C4BPA: variants seen among roughly 807,000 people sequenced by gnomAD.
The protein encoded by C4BPA is C4b-binding protein alpha chain.
C4BPA carries 31 observed loss-of-function variants against 63.7 expected under a neutral mutation model. The observed-to-expected ratio is 0.49, with a 90% CI of 0.37 to 0.66. The LOEUF (loss-of-function observed/expected upper bound fraction) is 0.66, where lower values mean the gene tolerates loss of function less well. Ranked by LOEUF, C4BPA falls within the 30% of genes least tolerant of loss-of-function variation. The probability of loss-of-function intolerance (pLI) is 0.00; values close to 1 mark genes in which losing one functional copy is unlikely to be tolerated. For synonymous variants in C4BPA, 259 were observed against 254.7 expected, an observed-to-expected ratio of 1.02 and a Z score of -0.16; for missense variants, 572 against 723.3, an observed-to-expected ratio of 0.79 and a Z score of 2.40.
Position 207,107,385 on chromosome 1 carries a change from CA to C in C4BPA, c.-26+2961del, listed in dbSNP as rs1425254069. On this transcript the variant is annotated intron_variant, in intron 1 of 11. Coordinates refer to ENST00000367070, the MANE Select transcript of C4BPA (RefSeq NM_000715.4). ...CAACATAGTGAGACCCCTGTCTTTA[CA>C]AAAAATTAAAAAATTAGCTGGGTGT... Among the ~76,000 whole-genome samples, 5 of 152,138 alleles carry C rather than the reference CA, an allele frequency of 3.3e-5. No individual in the cohort carries two copies. In the East Asian group the frequency reaches 7.7e-4, roughly 24 times the overall value.
rs1325241367 is a variant in C4BPA, at chr1:207,114,607, C to T, written c.328+322C>T. The T allele has an allele frequency of 8.9e-5, 21 of 235,942 alleles. 1 individual carries two copies. The highest frequency in any genetic ancestry group is 7.3e-5 in the Non-Finnish European group (9 of 123,298). 14.6% of individuals were successfully genotyped at this position (235,942 alleles called of 1,614,324 possible). Reference sequence around the variant, plus strand: ...CTCCTGGTTTCAAGTGACTCTCCTGCCTCAGCCTCCTGAGTAGCTGGAATT... The same window carrying T: ...CTCCTGGTTTCAAGTGACTCTCCTGTCTCAGCCTCCTGAGTAGCTGGAATT... On this transcript the variant is annotated intron_variant, in intron 3 of 11. Transcript: ENST00000367070.
At chr1:207,130,776 A>G (rs1216069408) in intron 7 of C4BPA, among the ~76,000 whole-genome samples, 1 of 152,180 alleles carries the variant, frequency 6.6e-6, no homozygotes, top group Non-Finnish European at 1.5e-5. Flanking sequence ...AAAATAGATT[A>G]GTGGTTGTCA....
intron 1 of C4BPA, 187 bp from the exon 2 acceptor site, chr1:207,112,814 T>C: frequency 1.9e-6 from 1 of 519,878 alleles, no homozygotes; most frequent in Non-Finnish European, 3.3e-6. Flanking sequence ...TCTTCTGAGC[T>C]CACAGCTTCT....
At chr1:207,115,064 G>A (rs1372212290) in intron 3 of C4BPA, among the ~76,000 whole-genome samples, 1 of 152,030 alleles carries the variant, frequency 6.6e-6, no homozygotes, top group Non-Finnish European at 1.5e-5. Flanking sequence ...TCTCTTTTTT[G>A]TTCCTTTTGT....
chr1:207,110,223 C>G (rs1395900930), intron 1 of C4BPA, among the ~76,000 whole-genome samples: 38 of 151,918 alleles, frequency 2.5e-4, no homozygotes, highest in Non-Finnish European at 2.9e-5. Flanking sequence ...GGAGGGAATG[C>G]TGGAGAAGGG....
In C4BPA at chr1:207,113,166, T is replaced by G; in HGVS notation, c.141T>G (p.Leu47=). 1 of 1,609,280 alleles carries G rather than the reference T, an allele frequency of 6.2e-7. No individual in the cohort carries two copies. Among genetic ancestry groups the G allele is most frequent in the Non-Finnish European group, 8.5e-7 (1 of 1,178,392 alleles). The change falls in exon 2 of 12, where the codon CTT becomes CTG. Residue 47 remains leucine (L), a splice_region_variant and synonymous_variant. Coordinates refer to ENST00000367070, the MANE Select transcript of C4BPA (RefSeq NM_000715.4). ...TCGCTGCTCTGTTGCCTGCTGTTCTTGGTGAGTAGTGGGAAACAAGCTCAA... is the reference window on the plus strand; with the variant it reads ...TCGCTGCTCTGTTGCCTGCTGTTCTGGGTGAGTAGTGGGAAACAAGCTCAA... The part of the protein sequence containing the change: ...TLIAALLPAV[L]GNCGPPPTLS...
chr1:207,135,157 C>T (rs1435282783), intron 9 of C4BPA, among the ~76,000 whole-genome samples: 1 of 151,856 alleles, frequency 6.6e-6, no homozygotes, highest in Non-Finnish European at 1.5e-5. Flanking sequence ...GCCAATATGG[C>T]GAAACCTGGT....
At chr1:207,133,825 T>C (rs1685218567) in intron 8 of C4BPA, among the ~76,000 whole-genome samples, 1 of 152,208 alleles carries the variant, frequency 6.6e-6, no homozygotes, top group African/African-American at 2.4e-5. Context: ...AAGCAGTAAT[T>C]TAAATTTTTT....
intron 10 of C4BPA, among the ~76,000 whole-genome samples, chr1:207,141,681 C>T (rs1452763956): frequency 6.6e-6 from 1 of 152,062 alleles, no homozygotes; most frequent in Admixed American, 6.6e-5. Flanking sequence ...ACCAGAGTCT[C>T]GTGCAGGGCA....
intron 9 of C4BPA, among the ~76,000 whole-genome samples, chr1:207,137,829 G>A (rs531871005): frequency 6.6e-6 from 1 of 152,304 alleles, no homozygotes; most frequent in East Asian, 1.9e-4. Context: ...TGTTGGCCAG[G>A]CTGGTCTTGA....
At chr1:207,108,060 G>C (rs763943933) in intron 1 of C4BPA, among the ~76,000 whole-genome samples, 14 of 152,142 alleles carry the variant, frequency 9.2e-5, no homozygotes, top group Non-Finnish European at 1.8e-4. Context: ...TTAAATTCAA[G>C]GTGCCTGGGA....
intron 4 of C4BPA, among the ~76,000 whole-genome samples, chr1:207,116,767 A>G: frequency 6.6e-6 from 1 of 152,046 alleles, no homozygotes; most frequent in African/African-American, 2.4e-5. Context: ...CAAAGCTTTA[A>G]TTTATTTGGA....
At chr1:207,131,778 G>A in intron 8 of C4BPA, 38 bp downstream of exon 8, 2 of 1,338,976 alleles carry the variant, frequency 1.5e-6, no homozygotes, top group Admixed American at 3.7e-5. Context: ...TATATTAAAT[G>A]TCCAGTATGT....
At chr1:207,106,215 T>G (rs961288345) in intron 1 of C4BPA, among the ~76,000 whole-genome samples, 1 of 152,148 alleles carries the variant, frequency 6.6e-6, no homozygotes, top group Non-Finnish European at 1.5e-5. Context: ...TATGGTGAAC[T>G]GCAAATGCCG....
chr1:207,110,795 T>C (rs747659286), intron 1 of C4BPA, among the ~76,000 whole-genome samples: 4 of 152,236 alleles, frequency 2.6e-5, no homozygotes, highest in Non-Finnish European at 4.4e-5. Context: ...TTTTTGTAAA[T>C]ATAGTCATGA....
chr1:207,130,878 G>A (rs1685144473), intron 7 of C4BPA, among the ~76,000 whole-genome samples: 1 of 152,106 alleles, frequency 6.6e-6, no homozygotes, highest in East Asian at 1.9e-4. Flanking sequence ...TTAGTTAATG[G>A]TGATGGTTGC....
chr1:207,127,601 C>T (rs1685073453), intron 7 of C4BPA: 1 of 152,218 alleles, frequency 6.6e-6, no homozygotes, highest in Non-Finnish European at 1.5e-5. Flanking sequence ...TCAAGAACTT[C>T]TGGGGATTTC....
chr1:207,112,503 G>T (rs1274435689), intron 1 of C4BPA, among the ~76,000 whole-genome samples: 2 of 151,900 alleles, frequency 1.3e-5, no homozygotes, highest in Non-Finnish European at 2.9e-5. Context: ...CTGCCATAAT[G>T]ATCTTAAAGC....
chr1:207,110,570 G>T (rs1684648340), intron 1 of C4BPA, among the ~76,000 whole-genome samples: 1 of 152,122 alleles, frequency 6.6e-6, no homozygotes, highest in Non-Finnish European at 1.5e-5. Flanking sequence ...CGGGAGAATT[G>T]CTTGAGGCCA....
Sources: allele counts gnomAD v4.1 joint callset (sites outside exome capture counted in the v4.1 genomes callset), GRCh38; gene constraint gnomAD v4.1.1; transcripts MANE v1.5; gene names NCBI Gene and HGNC (gene_info 2026-07-23, HGNC 2026-07-21).